The following SCAPER variants were observed in gnomAD, a reference collection of about 807,000 sequenced individuals.
SCAPER encodes the protein S-phase cyclin A associated protein in the ER.
Under a neutral mutation model 182.2 loss-of-function variants are expected in SCAPER, and 98 were observed. The observed-to-expected ratio is 0.54, with a 90% CI of 0.46 to 0.64. SCAPER has a LOEUF of 0.64. Ranked by LOEUF, SCAPER falls within the 30% of genes least tolerant of loss-of-function variation. The probability of loss-of-function intolerance (pLI) is 0.00; values close to 1 mark genes in which losing one functional copy is unlikely to be tolerated. For missense variants in SCAPER, 1,432 were observed against 1,690.0 expected (o/e 0.85, Z 2.68); for synonymous variants, 605 against 564.6 (o/e 1.07, Z -1.01).
At chr15:76,822,309 C>T (rs1356678976) in intron 5 of SCAPER, among the ~76,000 whole-genome samples, 1 of 151,244 alleles carries the variant, frequency 6.6e-6, no homozygotes, top group African/African-American at 2.4e-5. Flanking sequence ...TTGTTGTGAA[C>T]CTAAAATTGG....
chr15:76,608,512 C>T (rs946222142), intron 22 of SCAPER, among the ~76,000 whole-genome samples: 6 of 152,112 alleles, frequency 3.9e-5, no homozygotes, highest in South Asian at 2.1e-4. Context: ...TCTCAAGTTG[C>T]GTGCTGGGAG....
chr15:76,793,878 A>G (rs907347112), intron 8 of SCAPER, among the ~76,000 whole-genome samples: 1 of 152,154 alleles, frequency 6.6e-6, no homozygotes, highest in Non-Finnish European at 1.5e-5. Flanking sequence ...TGAGCCCTCA[A>G]CCTGTGGGAT....
intron 24 of SCAPER, among the ~76,000 whole-genome samples, chr15:76,502,157 T>A (rs966371311): frequency 6.6e-6 from 1 of 152,162 alleles, no homozygotes; most frequent in Non-Finnish European, 1.5e-5. Context: ...AAAACACAAA[T>A]CTATTGTGAA....
At chr15:76,842,005 C>A in intron 4 of SCAPER, 74 bp from the exon 5 acceptor site, 8 of 1,281,994 alleles carry the variant, frequency 6.2e-6, no homozygotes, top group African/African-American at 1.5e-5. Context: ...TATAAAGATT[C>A]AATCAACTAC....
At chr15:76,537,772 T>C (rs957553162) in intron 23 of SCAPER, among the ~76,000 whole-genome samples, 7 of 151,766 alleles carry the variant, frequency 4.6e-5, no homozygotes, top group African/African-American at 1.7e-4. Context: ...ACCATCAGAG[T>C]GAACAGGCAA....
chr15:76,884,949 A>G (rs1462046677), intron 1 of SCAPER, among the ~76,000 whole-genome samples: 1 of 152,236 alleles, frequency 6.6e-6, no homozygotes, highest in Non-Finnish European at 1.5e-5. Flanking sequence ...ATGATTCCAC[A>G]TACGTGAAAT....
chr15:76,518,652 A>G (rs1166197356), intron 23 of SCAPER, among the ~76,000 whole-genome samples: 3 of 152,164 alleles, frequency 2.0e-5, no homozygotes, highest in Non-Finnish European at 4.4e-5. Context: ...AGGCAAAAAC[A>G]TTGCAAAATG....
chr15:76,437,274 A>G (rs1305467457), intron 25 of SCAPER, among the ~76,000 whole-genome samples: 1 of 151,988 alleles, frequency 6.6e-6, no homozygotes, highest in Non-Finnish European at 1.5e-5. Flanking sequence ...CTAATTCTTG[A>G]GCCCTGCTAG....
At chr15:76,511,841 A>ATGTGTGTG (rs755966745) in intron 23 of SCAPER, among the ~76,000 whole-genome samples, 14,511 of 102,832 alleles carry the variant, frequency 0.14, 1,248 homozygotes, top group East Asian at 0.32. Flanking sequence ...ATATATATAT[A>ATGTGTGTG]TATGTGTGTG....
intron 29 of SCAPER, among the ~76,000 whole-genome samples, chr15:76,375,094 G>A (rs1453077437): frequency 2.7e-5 from 4 of 150,910 alleles, no homozygotes; most frequent in Admixed American, 1.3e-4. Flanking sequence ...GGTACCCGCC[G>A]GTAGACCCAA....
chr15:76,484,034 T>A (rs894096562), intron 24 of SCAPER, among the ~76,000 whole-genome samples: 11 of 152,204 alleles, frequency 7.2e-5, no homozygotes, highest in African/African-American at 2.7e-4. Context: ...CACAAAAGAC[T>A]GCACGAGTAT....
intron 21 of SCAPER, among the ~76,000 whole-genome samples, chr15:76,652,369 CACATATATATATATATATAT>C (rs1306648349): frequency 1.5e-4 from 2 of 13,702 alleles, no homozygotes; most frequent in Admixed American, 1.7e-3. Context: ...CACACACACA[CACATATATATATATATATAT>C]ATATATATAT....
intron 25 of SCAPER, among the ~76,000 whole-genome samples, chr15:76,442,143 C>T (rs62028416): frequency 0.086 from 13,140 of 152,030 alleles, 708 homozygotes; most frequent in African/African-American, 0.14. Flanking sequence ...GAATTTTGCA[C>T]GCAAAATCCT....
At chr15:76,889,762 T>A (rs544522658) in intron 1 of SCAPER, among the ~76,000 whole-genome samples, 14 of 152,228 alleles carry the variant, frequency 9.2e-5, no homozygotes, top group African/African-American at 3.1e-4. Flanking sequence ...GACAGATTAA[T>A]GAGACAGAAG....
In SCAPER at chr15:76,595,204, A is replaced by C. The variant is rs193002765; in HGVS notation, c.2712-20920T>G. ...CTAGTCTCTGATAAAACAGACCTTT[A>C]GCCAACAAAGATCAAAAGAGACAAA... On this transcript the variant is annotated intron_variant, in intron 22 of 31. Coordinates refer to ENST00000563290, the MANE Select transcript of SCAPER (RefSeq NM_020843.4). Among the ~76,000 whole-genome samples the C allele has an allele frequency of 2.5e-5, 3 of 121,950 alleles. 1 individual carries two copies. Among genetic ancestry groups the C allele is most frequent in the Non-Finnish European group, 6.0e-5 (3 of 50,222 alleles). 80.0% of individuals were successfully genotyped at this position (121,950 alleles called of 152,430 possible).
At chr15:76,829,418 G>T (rs955459992) in intron 5 of SCAPER, among the ~76,000 whole-genome samples, 2 of 152,222 alleles carry the variant, frequency 1.3e-5, no homozygotes, top group Non-Finnish European at 2.9e-5. Flanking sequence ...AAATATAAAT[G>T]TAAACCTAAC....
intron 9 of SCAPER, among the ~76,000 whole-genome samples, chr15:76,772,729 A>G (rs1598637386): frequency 6.6e-6 from 1 of 151,936 alleles, no homozygotes; most frequent in African/African-American, 2.4e-5. Flanking sequence ...TTTTTTAAAA[A>G]CCTTCCAATT....
At chr15:76,628,398 T>C (rs2052784817) in intron 21 of SCAPER, among the ~76,000 whole-genome samples, 1 of 152,222 alleles carries the variant, frequency 6.6e-6, no homozygotes, top group Admixed American at 6.5e-5. Context: ...TTCCAGTTTT[T>C]ATAGTTTTGG....
chr15:76,823,602 T>C (rs2067748961), intron 5 of SCAPER, among the ~76,000 whole-genome samples: 1 of 151,942 alleles, frequency 6.6e-6, no homozygotes, highest in African/African-American at 2.4e-5. Context: ...ACAAATGAAA[T>C]ACAGTACCAC....
Sources: gnomAD v4.1 joint callset for allele counts (sites outside exome capture counted in the v4.1 genomes callset) on GRCh38, gnomAD v4.1.1 for gene constraint, MANE v1.5 for transcripts, NCBI Gene and HGNC (gene_info 2026-07-23, HGNC 2026-07-21) for gene names.